Variants in IGF1R observed in about 807,000 individuals in gnomAD.
IGF1R encodes the protein insulin like growth factor 1 receptor.
In IGF1R, 44 loss-of-function variants were observed where a neutral mutation model predicts 144.6. The observed-to-expected ratio is 0.30, with a 90% CI of 0.24 to 0.39. The LOEUF (loss-of-function observed/expected upper bound fraction) is 0.39. IGF1R is among the 10% of genes least tolerant of loss of function. The pLI is 1.00. For missense variants in IGF1R, 1,355 were observed against 1,833.7 expected (o/e 0.74, Z 4.77); for synonymous variants, 795 against 722.8 (o/e 1.10, Z -1.60).
At chr15:98,862,709 G>A (rs2012223960) in intron 2 of IGF1R, among the ~76,000 whole-genome samples, 1 of 152,212 alleles carries the variant, frequency 6.6e-6, no homozygotes, top group Admixed American at 6.5e-5. Flanking sequence ...TGATTTGCAT[G>A]TATCCTTATA....
intron 2 of IGF1R, among the ~76,000 whole-genome samples, chr15:98,878,721 G>A (rs971291702): frequency 9.5e-5 from 14 of 147,472 alleles, no homozygotes; most frequent in Non-Finnish European, 1.9e-4. Flanking sequence ...GGCCAGGCAC[G>A]GTGGCTCAGA....
chr15:98,797,264 C>A (rs1235657359), intron 2 of IGF1R, among the ~76,000 whole-genome samples: 3 of 152,198 alleles, frequency 2.0e-5, no homozygotes, highest in Admixed American at 6.5e-5. Context: ...TCAGTGTTGG[C>A]CCCTGGGCTG....
intron 1 of IGF1R, among the ~76,000 whole-genome samples, chr15:98,700,230 G>A (rs532657136): frequency 6.6e-5 from 10 of 152,246 alleles, no homozygotes; most frequent in Non-Finnish European, 1.0e-4. Context: ...GCACAGCATG[G>A]GAGGATCATA....
intron 1 of IGF1R, among the ~76,000 whole-genome samples, chr15:98,684,359 G>A (rs1401049185): frequency 1.4e-5 from 2 of 145,562 alleles, no homozygotes; most frequent in Non-Finnish European, 3.0e-5. Flanking sequence ...TCTTACAACT[G>A]TAGCTCTGTG....
At chr15:98,744,230 T>G (rs2054812720) in intron 2 of IGF1R, among the ~76,000 whole-genome samples, 1 of 151,762 alleles carries the variant, frequency 6.6e-6, no homozygotes, top group Non-Finnish European at 1.5e-5. Flanking sequence ...GGGACCCAGG[T>G]GGCTCCAGCA....
intron 2 of IGF1R, among the ~76,000 whole-genome samples, chr15:98,740,261 TC>T (rs2054707470): frequency 6.6e-6 from 1 of 152,254 alleles, no homozygotes; most frequent in Non-Finnish European, 1.5e-5. Context: ...GCATGGCTAA[TC>T]CACTGTGCCA....
chr15:98,689,026 G>T (rs2053406794), intron 1 of IGF1R, among the ~76,000 whole-genome samples: 2 of 152,128 alleles, frequency 1.3e-5, no homozygotes, highest in South Asian at 4.1e-4. Context: ...CAGAAGCTCA[G>T]TCAGTGTTAG....
intron 1 of IGF1R, among the ~76,000 whole-genome samples, chr15:98,657,098 A>C (rs534444753): frequency 6.6e-5 from 10 of 152,378 alleles, no homozygotes; most frequent in African/African-American, 2.4e-4. Flanking sequence ...AGTCGTGGTT[A>C]GTCTCTGTAA....
chr15:98,813,971 C>T (rs1006891193), intron 2 of IGF1R, among the ~76,000 whole-genome samples: 13 of 152,140 alleles, frequency 8.5e-5, no homozygotes, highest in East Asian at 5.8e-4. Flanking sequence ...AGATGAGGTC[C>T]GGAATAGGTT....
intron 1 of IGF1R, among the ~76,000 whole-genome samples, chr15:98,695,979 T>C (rs2141240243): frequency 6.6e-6 from 1 of 152,156 alleles, no homozygotes; most frequent in Non-Finnish European, 1.5e-5. Context: ...CCTGGCCCCT[T>C]ACTAAGTCTC....
intron 2 of IGF1R, among the ~76,000 whole-genome samples, chr15:98,827,567 C>G (rs1170320040): frequency 1.3e-5 from 2 of 152,158 alleles, no homozygotes; most frequent in African/African-American, 4.8e-5. Context: ...TTGTAATTGG[C>G]CTTTTAAACC....
intron 2 of IGF1R, among the ~76,000 whole-genome samples, chr15:98,787,062 G>A (rs767540610): frequency 2.0e-5 from 3 of 152,146 alleles, no homozygotes; most frequent in Non-Finnish European, 2.9e-5. Context: ...TTCCATCAGC[G>A]CCCCTTCGTA....
chr15:98,846,358 C>T (rs1167337174), intron 2 of IGF1R, among the ~76,000 whole-genome samples: 3 of 152,092 alleles, frequency 2.0e-5, no homozygotes, highest in Admixed American at 1.3e-4. Flanking sequence ...GATGAAGACA[C>T]AACAGTATGG....
At chr15:98,835,286 G>A (rs1596343730) in intron 2 of IGF1R, among the ~76,000 whole-genome samples, 2 of 152,294 alleles carry the variant, frequency 1.3e-5, no homozygotes, top group East Asian at 3.9e-4. Context: ...TAGCACACTT[G>A]TTGCTATTAT....
chr15:98,924,250 C>T (rs1431790237), intron 12 of IGF1R, among the ~76,000 whole-genome samples: 1 of 152,254 alleles, frequency 6.6e-6, no homozygotes, highest in Non-Finnish European at 1.5e-5. Context: ...TGTAAGATAA[C>T]CTTGTGGCAT....
At chr15:98,660,777 G>A (rs4966011) in intron 1 of IGF1R, 47,362 of 152,092 alleles carry the variant, frequency 0.31, 8,587 homozygotes, top group Non-Finnish European at 0.39. Flanking sequence ...TCATCCCTGT[G>A]GATGGAGACT....
At chr15:98,886,950 A>C (rs1422716629) in intron 2 of IGF1R, among the ~76,000 whole-genome samples, 1 of 152,136 alleles carries the variant, frequency 6.6e-6, no homozygotes, top group Non-Finnish European at 1.5e-5. Flanking sequence ...TTCGTCCTCT[A>C]ACAAACAGAG....
intron 2 of IGF1R, among the ~76,000 whole-genome samples, chr15:98,835,392 C>T (rs4965437): frequency 5.3e-5 from 8 of 152,208 alleles, no homozygotes; most frequent in Admixed American, 1.3e-4. Context: ...CCTTCTTACC[C>T]TTTCAAAGCA....
intron 10 of IGF1R, 101 bp downstream of exon 10, chr15:98,916,977 G>A (rs772858111): frequency 3.0e-6 from 3 of 997,164 alleles, no homozygotes; most frequent in Non-Finnish European, 3.2e-6. Flanking sequence ...GCAGCTGGGG[G>A]GTACAATACA....
Sources: allele counts gnomAD v4.1 joint callset (sites outside exome capture counted in the v4.1 genomes callset), GRCh38; gene constraint gnomAD v4.1.1; transcripts MANE v1.5; gene names NCBI Gene and HGNC (gene_info 2026-07-23, HGNC 2026-07-21).